The following TDRD9 variants were observed in gnomAD, a reference collection of about 807,000 sequenced individuals.
TDRD9 encodes tudor domain containing 9, also known as ATP-dependent RNA helicase TDRD9.
In TDRD9, 124 loss-of-function variants were observed where a neutral mutation model predicts 172.6. That is an observed-to-expected ratio of 0.72 (90% CI 0.62 to 0.83). The LOEUF is 0.83. TDRD9 is among the 40% of genes least tolerant of loss of function. TDRD9 has a pLI of 0.00. For synonymous variants in TDRD9, 619 were observed against 617.1 expected, an observed-to-expected ratio of 1.00 and a Z score of -0.05; for missense variants, 1,479 against 1,714.1, an observed-to-expected ratio of 0.86 and a Z score of 2.42.
intron 13 of TDRD9, among the ~76,000 whole-genome samples, chr14:104,001,815 G>T (rs935459413): frequency 4.6e-5 from 7 of 152,002 alleles, no homozygotes; most frequent in Non-Finnish European, 8.8e-5. Flanking sequence ...CACCATGTTG[G>T]CCAGGACGGT....
At chr14:104,000,970 A>G (rs1435587023) in intron 13 of TDRD9, among the ~76,000 whole-genome samples, 1 of 152,250 alleles carries the variant, frequency 6.6e-6, no homozygotes, top group Non-Finnish European at 1.5e-5. Context: ...AAAATAGCAC[A>G]TAGAATCCTT....
rs2035060506 is a variant in TDRD9 at position 104,024,668 on chromosome 14, T to G, written c.2706T>G (p.Ile902Met). 1.3e-6 allele frequency: 2 copies of G among 1,597,886 alleles called. No individual in the cohort carries two copies. Among genetic ancestry groups the G allele is most frequent in the African/African-American group, 1.3e-5 (1 of 74,530 alleles). Reference sequence around the variant, plus strand: ...CAGTTACAGATCTCCTTCTAACTATTGATGTCACAGAGGTAAGGATGAAGT... The same window carrying G: ...CAGTTACAGATCTCCTTCTAACTATGGATGTCACAGAGGTAAGGATGAAGT... ...SQTVTDLLLT[I>M]DVTEVVEVGH... Residue 902 changes from isoleucine (I) to methionine (M), a missense_variant, in exon 25 of 36, where the codon ATT (isoleucine) becomes ATG (methionine). Ile to Met is a conservative substitution (Grantham distance 10). Coordinates refer to ENST00000409874, the MANE Select transcript of TDRD9 (RefSeq NM_153046.3).
In TDRD9 at chr14:103,928,458, T is replaced by G; in HGVS notation, c.-52T>G. The stretch of plus-strand genomic sequence containing the variant: ...AGGGTGCGCTTCCGCCGTCGCCTGT[T>G]CCCGCCGCGGAGACCCGGCAGTTGG... On this transcript the variant is annotated 5_prime_UTR_variant, in exon 1 of 36. Coordinates refer to ENST00000409874, the MANE Select transcript of TDRD9 (RefSeq NM_153046.3). 5 of 1,407,548 alleles carry G rather than the reference T, an allele frequency of 3.6e-6. No individual in the cohort carries two copies. Among genetic ancestry groups the G allele is most frequent in the Non-Finnish European group, 4.7e-6 (5 of 1,070,610 alleles). The allele number at this position is 1,407,548 out of a possible 1,614,324, so 87.2% of individuals were successfully genotyped here.
At chr14:103,928,931 T>TTG (rs2030170043) in intron 1 of TDRD9, 1 of 249,070 alleles carries the variant, frequency 4.0e-6, no homozygotes, top group Non-Finnish European at 7.6e-6. Flanking sequence ...GAGGTTTTTT[T>TTG]TTTTTTTTTT....
intron 5 of TDRD9, among the ~76,000 whole-genome samples, chr14:103,968,056 G>A (rs890924217): frequency 6.6e-6 from 1 of 152,198 alleles, no homozygotes; most frequent in African/African-American, 2.4e-5. Context: ...TATTTTCTGT[G>A]TGTCTGACAT....
At chr14:103,952,240 T>A (rs1361679983) in intron 1 of TDRD9, among the ~76,000 whole-genome samples, 906 of 73,430 alleles carry the variant, frequency 0.012, 8 homozygotes, top group South Asian at 0.059. Context: ...TTTTTTTTTT[T>A]TTTTTTTTTT....
At chr14:104,042,838 C>G (rs11160781) in intron 34 of TDRD9, among the ~76,000 whole-genome samples, 143,501 of 152,124 alleles carry the variant, frequency 0.94, 68,241 homozygotes, top group East Asian at 1. Context: ...GGGACCTGGA[C>G]CTCTGTGAAA....
At chr14:103,985,100 G>A (rs531200714) in intron 7 of TDRD9, among the ~76,000 whole-genome samples, 19 of 152,254 alleles carry the variant, frequency 1.2e-4, no homozygotes, top group African/African-American at 4.3e-4. Context: ...TAACTAATTT[G>A]CTTTGAGACT....
At chr14:104,023,659 A>G (rs750371557) in intron 24 of TDRD9, among the ~76,000 whole-genome samples, 5 of 152,194 alleles carry the variant, frequency 3.3e-5, no homozygotes, top group Non-Finnish European at 7.3e-5. Context: ...CCCCATAGTC[A>G]CCTATGTGGG....
Position 104,006,668 on chromosome 14 carries a change from T to C in TDRD9, c.1902T>C (p.Asn634=), listed in dbSNP as rs776748980. The part of the protein sequence containing the change: ...LIIAAALSLK[N]FFAMPFRQHL... The stretch of plus-strand genomic sequence containing the variant: ...TAGCGGCAGCTCTTTCTTTGAAGAA[T>C]TTTTTTGCAATGCCTTTCCGGCAGC... The change falls in exon 17 of 36, where the codon AAT becomes AAC. Residue 634 remains asparagine (N), a synonymous_variant. Transcript: ENST00000409874. The C allele has an allele frequency of 1.2e-6, 2 of 1,613,686 alleles. No individual in the cohort carries two copies. Among genetic ancestry groups the C allele is most frequent in the Non-Finnish European group, 1.7e-6 (2 of 1,179,672 alleles).
In TDRD9 at chr14:103,966,768, C is replaced by T; in HGVS notation, c.702C>T (p.Val234=). The change falls in exon 5 of 36, where the codon GTC becomes GTT. Residue 234 remains valine (V), a synonymous_variant. Transcript: ENST00000409874. ...DTRLIYMTTG[V]LLQKIVSAKS... is the part of the protein sequence containing the mutation. ...GGCTAATTTATATGACAACTGGAGT[C>T]CTGCTTCAGAAAATAGTTAGTGCCA... The T allele has an allele frequency of 6.4e-7, 1 of 1,550,966 alleles. No individual in the cohort carries two copies. The highest frequency in any genetic ancestry group is 8.7e-7 in the Non-Finnish European group (1 of 1,146,680).
intron 23 of TDRD9, among the ~76,000 whole-genome samples, chr14:104,020,896 A>G (rs2034934049): frequency 6.6e-6 from 1 of 152,046 alleles, no homozygotes; most frequent in African/African-American, 2.4e-5. Flanking sequence ...CTTTTGCTCC[A>G]TGCCTGCTCC....
At chr14:104,033,149 C>T (rs965058234) in intron 30 of TDRD9, among the ~76,000 whole-genome samples, 1 of 152,172 alleles carries the variant, frequency 6.6e-6, no homozygotes, top group African/African-American at 2.4e-5. Context: ...TTACTATGTG[C>T]ATTTTAAAAT....
At position 104,052,104 on chromosome 14, in the gene TDRD9, A is replaced by G; in HGVS notation, c.*22A>G. The stretch of plus-strand genomic sequence containing the variant: ...CTGAGCATGTCCACAGGTGGCCTCC[A>G]GCACACCCCTCAGGAAGCTGTGGAG... On this transcript the variant is annotated 3_prime_UTR_variant, in exon 36 of 36. Transcript: ENST00000409874. The G allele has an allele frequency of 6.5e-7, 1 of 1,531,266 alleles. No individual in the cohort carries two copies. The highest frequency in any genetic ancestry group is 8.9e-7 in the Non-Finnish European group (1 of 1,127,412). 94.9% of individuals were successfully genotyped at this position (1,531,266 alleles called of 1,614,324 possible).
intron 14 of TDRD9, 67 bp from the exon 15 acceptor site, chr14:104,005,207 G>T (rs1488791914): frequency 6.4e-7 from 1 of 1,551,856 alleles, no homozygotes; most frequent in African/African-American, 1.4e-5. Context: ...TGAAGCACTG[G>T]TTATGTGAAT....
intron 8 of TDRD9, among the ~76,000 whole-genome samples, chr14:103,988,191 T>A (rs917137781): frequency 6.6e-6 from 1 of 151,538 alleles, no homozygotes; most frequent in Non-Finnish European, 1.5e-5. Flanking sequence ...TTTTTTTTTT[T>A]AAAGATTGAG....
rs1235124896 is a variant in TDRD9, at chr14:103,928,480, T to C, written c.-30T>C. ...TGTTCCCGCCGCGGAGACCCGGCAGTTGGGGGATGCCGACGCCTGGGCCTT... is the reference window on the plus strand; with the variant it reads ...TGTTCCCGCCGCGGAGACCCGGCAGCTGGGGGATGCCGACGCCTGGGCCTT... On this transcript the variant is annotated 5_prime_UTR_variant, in exon 1 of 36. Coordinates refer to ENST00000409874, the MANE Select transcript of TDRD9 (RefSeq NM_153046.3). The C allele has an allele frequency of 4.2e-6, 6 of 1,426,560 alleles. No homozygotes were observed. The highest frequency in any genetic ancestry group is 5.6e-6 in the Non-Finnish European group (6 of 1,080,284). 88.4% of individuals were successfully genotyped at this position (1,426,560 alleles called of 1,614,324 possible). A position where few individuals can be genotyped will look rare whatever the true frequency, so the allele number is the denominator to read the frequency against.
chr14:104,006,230 A>G (rs1462153097), intron 15 of TDRD9, among the ~76,000 whole-genome samples, 159 bp from the exon 16 acceptor site: 1 of 152,236 alleles, frequency 6.6e-6, no homozygotes, highest in Non-Finnish European at 1.5e-5. Flanking sequence ...GGAAAATTTA[A>G]AAAGTTTTTT....
Position 104,006,432 on chromosome 14 carries a change from C to T in TDRD9, c.1757C>T (p.Pro586Leu). 6.2e-7 allele frequency: 1 copy of T among 1,613,836 alleles called. No individual in the cohort carries two copies. The highest frequency in any genetic ancestry group is 8.5e-7 in the Non-Finnish European group (1 of 1,179,820). The change falls in exon 16 of 36, where the codon CCC (proline) becomes CTC (leucine). Residue 586 changes from proline to leucine, a missense_variant. Physicochemically the swap from Pro to Leu is moderately conservative, Grantham distance 98 (BLOSUM62 -3). Around this residue, in one of 3 missense-constraint regions of TDRD9, gnomAD observed 1,413 missense variants for 1,649.1 expected, o/e 0.86. Coordinates refer to ENST00000409874, the MANE Select transcript of TDRD9 (RefSeq NM_153046.3). ...AGTGGGCAGAGAGAAGATGAAAACC[C>T]CCATGATGGTGAATTGACCTTCTTA... The part of the protein sequence containing the change: ...AVSGQREDEN[P>L]HDGELTFLGR...
Sources: allele counts gnomAD v4.1 joint callset (sites outside exome capture counted in the v4.1 genomes callset), GRCh38; gene constraint gnomAD v4.1.1; regional missense constraint gnomAD v4.1.1; transcripts MANE v1.5; gene names NCBI Gene and HGNC (gene_info 2026-07-23, HGNC 2026-07-21).